THSD7A: variants seen among roughly 807,000 people sequenced by gnomAD.
THSD7A encodes the protein thrombospondin type 1 domain containing 7A.
THSD7A carries 96 observed loss-of-function variants against 231.3 expected under a neutral mutation model. That is an observed-to-expected ratio of 0.41 (90% CI 0.35 to 0.49). The LOEUF (loss-of-function observed/expected upper bound fraction) is 0.49, where lower values mean the gene tolerates loss of function less well. THSD7A is among the 20% of genes least tolerant of loss of function. The pLI is 0.05. For missense variants in THSD7A, 2,290 were observed against 2,070.2 expected (o/e 1.11, Z -2.06); for synonymous variants, 940 against 743.3 (o/e 1.26, Z -4.30).
chr7:11,465,883 A>G (rs1378918088), intron 9 of THSD7A, among the ~76,000 whole-genome samples: 1 of 152,144 alleles, frequency 6.6e-6, no homozygotes, highest in Non-Finnish European at 1.5e-5. Context: ...TGCATAAGGT[A>G]TTTCTATTTT....
At chr7:11,697,814 G>A (rs995795533) in intron 1 of THSD7A, among the ~76,000 whole-genome samples, 3 of 151,254 alleles carry the variant, frequency 2.0e-5, no homozygotes, top group East Asian at 3.9e-4. Context: ...TGAATGTCAC[G>A]CAGTTTCCAT....
At chr7:11,790,934 T>G (rs1248896835) in intron 1 of THSD7A, among the ~76,000 whole-genome samples, 1 of 151,978 alleles carries the variant, frequency 6.6e-6, no homozygotes, top group East Asian at 1.9e-4. Context: ...TCATTATTCT[T>G]TAAAGAACAA....
rs1325959405 is a variant in THSD7A at position 11,371,484 on chromosome 7, T to C, written c.*4310A>G. The stretch of plus-strand genomic sequence containing the variant: ...AACACCCTCAATCTTACAGTGGAAA[T>C]AGAAGAAGAACCCACACTTGAATTT... On this transcript the variant is annotated 3_prime_UTR_variant, in exon 28 of 28. Transcript: ENST00000423059. 1 of 152,150 alleles carries C rather than the reference T, an allele frequency of 6.6e-6. No homozygotes were observed. Among genetic ancestry groups the C allele is most frequent in the East Asian group, 1.9e-4 (1 of 5,188 alleles). 9.4% of individuals were successfully genotyped at this position (152,150 alleles called of 1,614,324 possible).
intron 22 of THSD7A, among the ~76,000 whole-genome samples, chr7:11,403,624 C>T (rs1006654200): frequency 3.3e-5 from 5 of 152,122 alleles, no homozygotes; most frequent in Non-Finnish European, 1.5e-5. Context: ...AGAAAACATA[C>T]CTTTTCACCA....
chr7:11,792,790 T>G (rs1783998739), intron 1 of THSD7A, among the ~76,000 whole-genome samples: 1 of 151,958 alleles, frequency 6.6e-6, no homozygotes, highest in Admixed American at 6.6e-5. Flanking sequence ...GGCTTTTTGA[T>G]CCATACAATC....
chr7:11,578,757 G>A (rs1302457535), intron 4 of THSD7A, among the ~76,000 whole-genome samples: 3 of 152,184 alleles, frequency 2.0e-5, no homozygotes, highest in South Asian at 2.1e-4. Flanking sequence ...GGCATTACAA[G>A]GCAGAAAATA....
chr7:11,680,124 G>A (rs146175947), intron 1 of THSD7A, among the ~76,000 whole-genome samples: 7 of 151,336 alleles, frequency 4.6e-5, no homozygotes, highest in African/African-American at 1.5e-4. Context: ...TTAATAAATG[G>A]TGTTGGGAAA....
rs199501792 is a variant in THSD7A, at chr7:11,406,510, A to G, written c.4063-36T>C. The G allele has an allele frequency of 6.3e-5, 99 of 1,561,016 alleles. 1 individual carries two copies. The African/African-American group carries it at 1.0e-3, about 16-fold the overall frequency. ...GGAAGAAATAACTAATTAGAAAAAG[A>G]GAAATACTTCATTAGAGAGCTCATC... On this transcript the variant is annotated intron_variant, in intron 21 of 27. Transcript: ENST00000423059. The surrounding 1 kb of genome is among the most constrained non-coding windows in gnomAD (Gnocchi z 4.7).
intron 2 of THSD7A, among the ~76,000 whole-genome samples, chr7:11,608,302 T>C (rs1780805361): frequency 6.6e-6 from 1 of 152,074 alleles, no homozygotes; most frequent in African/African-American, 2.4e-5. Context: ...AACAAGAAGA[T>C]TAGGAAAGGT....
rs11342645 is a variant in THSD7A, at chr7:11,426,058, TAAA to T, written c.3249+605_3249+607del. 3.3e-3 allele frequency among the ~76,000 whole-genome samples: 448 copies of T among 135,904 alleles called. 2 individuals carry two copies. The highest frequency in any genetic ancestry group is 0.011 in the Middle Eastern group (3 of 268). 89.2% of individuals were successfully genotyped at this position (135,904 alleles called of 152,430 possible). On this transcript the variant is annotated intron_variant, in intron 15 of 27. Coordinates refer to ENST00000423059, the MANE Select transcript of THSD7A (RefSeq NM_015204.3). ...ATGTACCCTAAAACTTAGAGTATAATAAAAAAAAAAAACATTAAAAAAAAAATG... is the reference window on the plus strand; with the variant it reads ...ATGTACCCTAAAACTTAGAGTATAATAAAAAAAAACATTAAAAAAAAAATG...
At chr7:11,524,697 C>T (rs976962292) in intron 6 of THSD7A, among the ~76,000 whole-genome samples, 10 of 152,212 alleles carry the variant, frequency 6.6e-5, no homozygotes, top group African/African-American at 2.2e-4. Context: ...TCCTCTTATA[C>T]ACATGGACAG....
chr7:11,457,841 A>T (rs1041448748), intron 11 of THSD7A, among the ~76,000 whole-genome samples: 2 of 152,100 alleles, frequency 1.3e-5, no homozygotes, highest in African/African-American at 4.8e-5. Context: ...TTCTTCTAAT[A>T]TTATGGTACA....
chr7:11,645,439 T>C (rs995145887), intron 1 of THSD7A, among the ~76,000 whole-genome samples: 1 of 151,914 alleles, frequency 6.6e-6, no homozygotes, highest in African/African-American at 2.4e-5. Flanking sequence ...AATATATTTT[T>C]AAATACAGAG....
At chr7:11,719,117 T>C (rs1781253277) in intron 1 of THSD7A, among the ~76,000 whole-genome samples, 1 of 151,622 alleles carries the variant, frequency 6.6e-6, no homozygotes, top group Non-Finnish European at 1.5e-5. Flanking sequence ...GTGTCTCATT[T>C]TTCATCCCCC....
intron 1 of THSD7A, among the ~76,000 whole-genome samples, chr7:11,728,419 C>A (rs903817590): frequency 6.6e-6 from 1 of 151,764 alleles, no homozygotes; most frequent in East Asian, 2.0e-4. Context: ...CAATTTTTCC[C>A]AAACAAATAT....
intron 1 of THSD7A, among the ~76,000 whole-genome samples, chr7:11,715,679 G>A (rs1781112693): frequency 6.6e-6 from 1 of 151,390 alleles, no homozygotes; most frequent in Non-Finnish European, 1.5e-5. Context: ...CTAAGCTACA[G>A]CGTTATTTGA....
intron 6 of THSD7A, among the ~76,000 whole-genome samples, chr7:11,536,403 G>C (rs1338539727): frequency 6.6e-6 from 1 of 152,098 alleles, no homozygotes; most frequent in African/African-American, 2.4e-5. Flanking sequence ...TGCAGCTTCA[G>C]CCTCATCCCT....
chr7:11,661,864 C>A (rs538244619), intron 1 of THSD7A, among the ~76,000 whole-genome samples: 65 of 151,230 alleles, frequency 4.3e-4, no homozygotes, highest in Non-Finnish European at 7.7e-4. Context: ...CGAGTGTTAT[C>A]AATGGAAGAC....
intron 1 of THSD7A, among the ~76,000 whole-genome samples, chr7:11,773,345 C>A (rs972215295): frequency 6.6e-5 from 10 of 152,056 alleles, no homozygotes; most frequent in African/African-American, 2.2e-4. Flanking sequence ...CCAGCCTGAT[C>A]AAAATGGAGA....
Sources: gnomAD v4.1 joint callset for allele counts (sites outside exome capture counted in the v4.1 genomes callset) on GRCh38, gnomAD v4.1.1 for gene constraint, Gnocchi (gnomAD v3.1) non-coding constraint, MANE v1.5 for transcripts, NCBI Gene and HGNC (gene_info 2026-07-23, HGNC 2026-07-21) for gene names.